Variants in CCDC14 observed in about 807,000 individuals in gnomAD.
CCDC14 encodes the protein coiled-coil domain containing 14.
Under a neutral mutation model 81.4 loss-of-function variants are expected in CCDC14, and 71 were observed. The ratio of observed to expected loss-of-function variants is 0.87; its 90% CI spans 0.72 to 1.06. The LOEUF (loss-of-function observed/expected upper bound fraction) is 1.06. Among genes scored for constraint, CCDC14 ranks in the 50% least tolerant of loss-of-function variants. The pLI, the probability that CCDC14 is intolerant of heterozygous loss-of-function variation, is 0.00. For missense variants in CCDC14, 1,046 were observed against 1,047.3 expected, an observed-to-expected ratio of 1.00 and a Z score of 0.02; for synonymous variants, 332 against 364.8, an observed-to-expected ratio of 0.91 and a Z score of 1.03.
chr3:123,954,459 C>A (rs577996075), intron 5 of CCDC14: 1 of 152,204 alleles, frequency 6.6e-6, no homozygotes, highest in East Asian at 1.9e-4. Context: ...GAGCTTAGAC[C>A]AATGCTGTCC....
chr3:123,897,158 A>G (rs2034077554), downstream of CCDC14: 1 of 152,196 alleles, frequency 6.6e-6, no homozygotes, highest in African/African-American at 2.4e-5. Flanking sequence ...TAATATTTTA[A>G]CCATAAAAAT....
At chr3:123,926,985 A>G (rs576846290) in intron 12 of CCDC14, among the ~76,000 whole-genome samples, 1 of 152,330 alleles carries the variant, frequency 6.6e-6, no homozygotes, top group East Asian at 1.9e-4. Flanking sequence ...TGGTCACAGC[A>G]ATCCACTTAT....
At chr3:123,902,696 C>T (rs1247280203) in intron 5 of CCDC14, among the ~76,000 whole-genome samples, 2 of 152,256 alleles carry the variant, frequency 1.3e-5, no homozygotes, top group South Asian at 2.1e-4. Flanking sequence ...TCAATTGCAA[C>T]TTGTGTACCT....
the CCDC14 span, among the ~76,000 whole-genome samples, chr3:123,887,480 CAAA>C: frequency 0.038 from 5,475 of 145,158 alleles, 281 homozygotes; most frequent in African/African-American, 0.12. Context: ...ACAACAACAA[CAAA>C]AAAAAAAAAC....
intron 9 of CCDC14, among the ~76,000 whole-genome samples, chr3:123,942,866 C>T (rs1280707131): frequency 6.6e-6 from 1 of 151,992 alleles, no homozygotes; most frequent in Non-Finnish European, 1.5e-5. Flanking sequence ...CCCTGTTCTA[C>T]ATCTTTCCTA....
downstream of CCDC14, among the ~76,000 whole-genome samples, chr3:123,893,600 A>G (rs2034019280): frequency 6.6e-6 from 1 of 152,196 alleles, no homozygotes; most frequent in South Asian, 2.1e-4. Context: ...TAGGAATGAA[A>G]TTACTGAGTC....
In CCDC14 at chr3:123,947,108, A is replaced by G; in HGVS notation, c.896T>C (p.Leu299Pro). The change falls in exon 8 of 13, where the codon CTA becomes CCA. Residue 299 changes from leucine (L) to proline (P), a missense_variant. Transcript: ENST00000409697. ...CAAATATGTTTGAATACATTTTAGT[A>G]GGTCTGTTTCCTTATGAATTCCTTG... ...PQQGIHKETD[L>P]LKCIQTYLSL... The G allele has an allele frequency of 6.2e-7, 1 of 1,613,960 alleles. No individual in the cohort carries two copies. Among genetic ancestry groups the G allele is most frequent in the Non-Finnish European group, 8.5e-7 (1 of 1,179,846 alleles).
rs1406786333 is a variant in CCDC14 at position 123,928,225 on chromosome 3, C to T, written c.1778+2877G>A. On this transcript the variant is annotated intron_variant, in intron 12 of 12. Transcript: ENST00000409697. ...AAAAAAAGACGTATCTGGCCTGGCACGGTGGCTCACGCTGGTAATCCCAGC... is the reference window on the plus strand; with the variant it reads ...AAAAAAAGACGTATCTGGCCTGGCATGGTGGCTCACGCTGGTAATCCCAGC... 2.0e-5 allele frequency among the ~76,000 whole-genome samples: 3 copies of T among 150,596 alleles called. No individual in the cohort carries two copies. The East Asian group carries it at 5.9e-4, about 30-fold the overall frequency.
the CCDC14 span, among the ~76,000 whole-genome samples, chr3:123,885,478 C>CTTT: frequency 2.1e-5 from 3 of 146,334 alleles, no homozygotes; most frequent in African/African-American, 7.5e-5. Context: ...TCCCCCCACT[C>CTTT]TTTTTTTTTT....
chr3:123,895,125 T>C (rs1174806819), downstream of CCDC14, among the ~76,000 whole-genome samples: 1 of 152,166 alleles, frequency 6.6e-6, no homozygotes, highest in Non-Finnish European at 1.5e-5. Flanking sequence ...GTGACATTAG[T>C]TGTAGAAAAT....
At chr3:123,947,739 A>C (rs192996189) in intron 7 of CCDC14, among the ~76,000 whole-genome samples, 17 of 152,204 alleles carry the variant, frequency 1.1e-4, no homozygotes, top group Admixed American at 1.1e-3. Context: ...AAAAAACAAG[A>C]ATCTTTATTG....
chr3:123,892,297 T>C, the CCDC14 span, among the ~76,000 whole-genome samples: 1 of 152,198 alleles, frequency 6.6e-6, no homozygotes, highest in Non-Finnish European at 1.5e-5. Context: ...TCTGAAGCAA[T>C]TGTCTGAGCT....
intron 5 of CCDC14, chr3:123,949,388 T>G (rs906773845): frequency 2.3e-6 from 1 of 444,168 alleles, no homozygotes. Context: ...ACTTGCCATT[T>G]GTAAAATCTC....
chr3:123,914,136 A>G lies in CCDC14; in HGVS notation c.*643T>C, dbSNP rs557406264. 3 of 985,726 alleles carry G rather than the reference A, an allele frequency of 3.0e-6. No individual in the cohort carries two copies. The highest frequency in any genetic ancestry group is 1.2e-4 in the Admixed American group (2 of 16,282). 61.1% of individuals were successfully genotyped at this position (985,726 alleles called of 1,614,324 possible). On this transcript the variant is annotated 3_prime_UTR_variant, in exon 13 of 13. Coordinates refer to ENST00000409697, the MANE Select transcript of CCDC14 (RefSeq NM_001366335.1). The stretch of plus-strand genomic sequence containing the variant: ...CTTTATCAGTCTGACTATTCTTTAA[A>G]GGCCTTAAAACATGAATTTGGGATA...
intron 8 of CCDC14, among the ~76,000 whole-genome samples, 155 bp downstream of exon 8, chr3:123,946,648 T>TA (rs2036639271): frequency 6.6e-6 from 1 of 152,108 alleles, no homozygotes; most frequent in South Asian, 2.1e-4. Flanking sequence ...GATCAAAACT[T>TA]AAAAAATAAT....
chr3:123,928,000 C>T (rs141437769), intron 12 of CCDC14, among the ~76,000 whole-genome samples: 2 of 152,288 alleles, frequency 1.3e-5, no homozygotes, highest in Non-Finnish European at 2.9e-5. Context: ...AATCCAAAAT[C>T]CTGGCTCTGG....
downstream of CCDC14, among the ~76,000 whole-genome samples, chr3:123,893,086 G>C (rs2034012801): frequency 6.6e-6 from 1 of 152,190 alleles, no homozygotes; most frequent in African/African-American, 2.4e-5. Context: ...TTACAGGCAT[G>C]AGCCACCGTG....
intron 12 of CCDC14, chr3:123,930,876 C>A (rs1037918479): frequency 4.8e-5 from 21 of 438,974 alleles, no homozygotes; most frequent in Non-Finnish European, 7.5e-5. Flanking sequence ...CTCATCAGGA[C>A]CCCCTGCCCA....
At chr3:123,897,562 G>T in exon 6 of CCDC14, 2 of 1,175,998 alleles carry the variant, frequency 1.7e-6, no homozygotes, top group Non-Finnish European at 2.2e-6. Context: ...GTACTGTATT[G>T]GGCTTTTGTG....
Sources: gnomAD v4.1 joint callset for allele counts (sites outside exome capture counted in the v4.1 genomes callset) on GRCh38, gnomAD v4.1.1 for gene constraint, MANE v1.5 for transcripts, NCBI Gene and HGNC (gene_info 2026-07-23, HGNC 2026-07-21) for gene names.